Variants in GBP4 observed in about 807,000 individuals in gnomAD.
GBP4 encodes the protein guanylate binding protein 4.
GBP4 carries 69 observed loss-of-function variants against 62.2 expected under a neutral mutation model. The observed-to-expected ratio is 1.11, with a 90% CI of 0.91 to 1.36. The LOEUF (loss-of-function observed/expected upper bound fraction) is 1.36. GBP4 is among the 40% of genes most tolerant of loss of function. The probability of loss-of-function intolerance (pLI) is 0.00; values close to 1 mark genes in which losing one functional copy is unlikely to be tolerated. For synonymous variants in GBP4, 278 were observed against 274.6 expected, an observed-to-expected ratio of 1.01 and a Z score of -0.12; for missense variants, 697 against 759.3, an observed-to-expected ratio of 0.92 and a Z score of 0.96.
In GBP4 at chr1:89,197,103, C is replaced by T; in HGVS notation, c.235+7G>A. The T allele has an allele frequency of 6.2e-7, 1 of 1,607,286 alleles. No homozygotes were observed. The highest frequency in any genetic ancestry group is 8.5e-7 in the Non-Finnish European group (1 of 1,175,842). On this transcript the variant is annotated splice_region_variant and intron_variant, in intron 2 of 10. Transcript: ENST00000355754. ...GTAAATGGCTCCTGTCCTAGGACCA[C>T]ACTCACCATTGCGCTTTCCTGCAAG...
At chr1:89,194,713 G>A (rs976836979) in intron 3 of GBP4, among the ~76,000 whole-genome samples, 1 of 152,158 alleles carries the variant, frequency 6.6e-6, no homozygotes, top group Admixed American at 6.5e-5. Flanking sequence ...GAAGTCAGTG[G>A]AGAATTAATC....
chr1:89,191,967 C>T (rs1010543889), intron 5 of GBP4, among the ~76,000 whole-genome samples: 2 of 152,042 alleles, frequency 1.3e-5, no homozygotes, highest in Non-Finnish European at 2.9e-5. Context: ...ATACCCAAGT[C>T]AGTAATAAAA....
intron 6 of GBP4, 108 bp downstream of exon 6, chr1:89,191,153 G>T: frequency 7.9e-7 from 1 of 1,266,102 alleles, no homozygotes; most frequent in Non-Finnish European, 1.1e-6. Flanking sequence ...CTCCTTCTCT[G>T]CATTCCTATA....
chr1:89,190,562 C>A (rs1343273493), intron 6 of GBP4, among the ~76,000 whole-genome samples: 1 of 151,856 alleles, frequency 6.6e-6, no homozygotes, highest in African/African-American at 2.4e-5. Flanking sequence ...TTAAATTACC[C>A]ATTGCAACCA....
In GBP4 at chr1:89,182,696, G is replaced by C. The variant is rs985568271; in HGVS notation, c.*2558C>G. On this transcript the variant is annotated 3_prime_UTR_variant, in exon 11 of 11. Coordinates refer to ENST00000355754, the MANE Select transcript of GBP4 (RefSeq NM_052941.5). ...GGGGTTTCACCGTGTTAGCCAGGAT[G>C]GTCTCGATCTCCTGACCTCGTGATC... 2 of 152,106 alleles carry C rather than the reference G, an allele frequency of 1.3e-5. No homozygotes were observed. Among genetic ancestry groups the C allele is most frequent in the Admixed American group, 1.3e-4 (2 of 15,268 alleles). 9.4% of individuals were successfully genotyped at this position (152,106 alleles called of 1,614,324 possible).
In GBP4 at chr1:89,185,170, T is replaced by C. The variant is rs1276909643; in HGVS notation, c.*84A>G. The stretch of plus-strand genomic sequence containing the variant: ...TTGAATGAAACTGCTATAACACATA[T>C]ACTTACAAAATGAGCAACAGTGTTA... On this transcript the variant is annotated 3_prime_UTR_variant, in exon 11 of 11. Transcript: ENST00000355754. 1 of 843,080 alleles carries C rather than the reference T, an allele frequency of 1.2e-6. No individual in the cohort carries two copies. The highest frequency in any genetic ancestry group is 1.9e-6 in the Non-Finnish European group (1 of 521,096). The allele number at this position is 843,080 out of a possible 1,614,324, so 52.2% of individuals were successfully genotyped here. A position where few individuals can be genotyped will look rare whatever the true frequency, so the allele number is the denominator to read the frequency against.
intron 1 of GBP4, among the ~76,000 whole-genome samples, chr1:89,197,653 C>A (rs1021351657): frequency 6.6e-6 from 1 of 151,928 alleles, no homozygotes; most frequent in Non-Finnish European, 1.5e-5. Context: ...CAGAATAATT[C>A]CACTCCTGGA....
At position 89,190,015 on chromosome 1, in the gene GBP4, G is replaced by A. The variant is rs757173083; in HGVS notation, c.1197+23C>T. 6 of 1,587,032 alleles carry A rather than the reference G, an allele frequency of 3.8e-6. No individual in the cohort carries two copies. The East Asian group carries it at 1.3e-4, about 36-fold the overall frequency. On this transcript the variant is annotated intron_variant, in intron 7 of 10. Coordinates refer to ENST00000355754, the MANE Select transcript of GBP4 (RefSeq NM_052941.5). ...CATCATTTCGGAAGGGCAGAAATCA[G>A]GAAGGATAAATGCTAAAAGTACCAC...
At chr1:89,194,115 A>G (rs925056034) in intron 3 of GBP4, among the ~76,000 whole-genome samples, 6 of 152,220 alleles carry the variant, frequency 3.9e-5, no homozygotes, top group Non-Finnish European at 7.3e-5. Context: ...GGACGGATAA[A>G]GCAGGTGGAA....
At position 89,193,350 on chromosome 1, in the gene GBP4, G is replaced by T. The variant is rs757821497; in HGVS notation, c.426C>A (p.Val142=). 4 of 1,614,160 alleles carry T rather than the reference G, an allele frequency of 2.5e-6. No homozygotes were observed. The highest frequency in any genetic ancestry group is 3.4e-6 in the Non-Finnish European group (4 of 1,180,018). The change falls in exon 4 of 11, where the codon GTC becomes GTA. Residue 142 remains valine (V), a synonymous_variant. Transcript: ENST00000355754. ...ALAVLLSSSF[V]YNSVSTINHQ... ...GGTTGATGGTGCTCACGCTGTTATA[G>T]ACAAAGCTGCTGCTTAGAAGCACAG...
rs1405902331 is a variant in GBP4 at position 89,184,006 on chromosome 1, A to T, written c.*1248T>A. The T allele has an allele frequency of 6.6e-6, 1 of 152,264 alleles. No individual in the cohort carries two copies. The highest frequency in any genetic ancestry group is 1.5e-5 in the Non-Finnish European group (1 of 68,034). 9.4% of individuals were successfully genotyped at this position (152,264 alleles called of 1,614,324 possible). On this transcript the variant is annotated 3_prime_UTR_variant, in exon 11 of 11. Transcript: ENST00000355754. ...TATCCAGAATCTATAAGAAGCTTCA[A>T]AAAATTTACAAGCGAAAAACAAGCA...
chr1:89,192,921 G>A lies in GBP4; in HGVS notation c.653C>T (p.Ala218Val), dbSNP rs1285406861. The change falls in exon 5 of 11, where the codon GCC becomes GTC. Residue 218 changes from alanine to valine, a missense_variant. Transcript: ENST00000355754. Reference sequence around the variant, plus strand: ...TCTGATACCTGGAATCAGCTTCAAGGCATTCTCCAGGTACTCATCTTCTGT... The same window carrying A: ...TCTGATACCTGGAATCAGCTTCAAGACATTCTCCAGGTACTCATCTTCTGT... ...PITEDEYLEN[A>V]LKLIPGKNPK... 2 of 1,613,804 alleles carry A rather than the reference G, an allele frequency of 1.2e-6. No homozygotes were observed. The highest frequency in any genetic ancestry group is 2.7e-5 in the African/African-American group (2 of 74,888).
chr1:89,196,747 A>AT (rs1283416528), intron 2 of GBP4, among the ~76,000 whole-genome samples: 3 of 152,186 alleles, frequency 2.0e-5, no homozygotes, highest in Non-Finnish European at 4.4e-5. Flanking sequence ...CTTCATATTT[A>AT]TTTTTTAAAA....
At chr1:89,196,125 A>T (rs941062593) in intron 2 of GBP4, among the ~76,000 whole-genome samples, 2 of 152,198 alleles carry the variant, frequency 1.3e-5, no homozygotes, top group African/African-American at 4.8e-5. Context: ...GGATATAAAT[A>T]ATAAGAGTAT....
At chr1:89,195,816 G>A (rs1648322805) in intron 2 of GBP4, among the ~76,000 whole-genome samples, 2 of 151,942 alleles carry the variant, frequency 1.3e-5, no homozygotes, top group Admixed American at 1.3e-4. Context: ...TAAAAAAAAA[G>A]CTTTCACAAA....
chr1:89,185,332 G>T lies in GBP4; in HGVS notation c.1845C>A (p.Ser615Arg), dbSNP rs1017572723. The T allele has an allele frequency of 1.2e-6, 2 of 1,613,202 alleles. No homozygotes were observed. The highest frequency in any genetic ancestry group is 1.3e-5 in the African/African-American group (1 of 74,892). ...LRLLKILDMA[S>R]NIMIVTLPGA... ...CAGGTAGAGTGACAATCATTATGTT[G>T]CTAGCCATGTCAAGGATCTTTAAGA... The change falls in exon 11 of 11, where the codon AGC (serine) becomes AGA (arginine). Residue 615 changes from serine (S) to arginine (R), a missense_variant. Ser to Arg is a moderately radical substitution (Grantham distance 110). Transcript: ENST00000355754.
rs763370046 is a variant in GBP4, at chr1:89,197,242, G to A, written c.103C>T (p.Gln35Ter). ...PICLVENQEE[Q>*]LTVNSKALEI... ...AATGCCTTTGAATTCACTGTCAGCTGCTCTTCCTGGTTTTCCACTAGACAA... is the reference window on the plus strand; with the variant it reads ...AATGCCTTTGAATTCACTGTCAGCTACTCTTCCTGGTTTTCCACTAGACAA... Residue 35 changes from glutamine to a stop codon, truncating the protein, a stop_gained, in exon 2 of 11, where the codon CAG (glutamine) becomes TAG (stop). Coordinates refer to ENST00000355754, the MANE Select transcript of GBP4 (RefSeq NM_052941.5). LOFTEE classifies it high-confidence loss of function. 1.2e-6 allele frequency: 2 copies of A among 1,614,110 alleles called. No individual in the cohort carries two copies. Among genetic ancestry groups the A allele is most frequent in the East Asian group, 2.2e-5 (1 of 44,876 alleles).
chr1:89,195,240 C>A, intron 3 of GBP4, 57 bp downstream of exon 3: 2 of 1,582,806 alleles, frequency 1.3e-6, no homozygotes, highest in East Asian at 2.2e-5. Context: ...TTGAAGGGAG[C>A]TGAAAAAATT....
At chr1:89,193,230 C>G in intron 4 of GBP4, 73 bp downstream of exon 4, 2 of 1,537,994 alleles carry the variant, frequency 1.3e-6, no homozygotes, top group Non-Finnish European at 1.8e-6. Context: ...TGAGTCACAG[C>G]AAAGAAGACA....
Sources: gnomAD v4.1 joint callset for allele counts (sites outside exome capture counted in the v4.1 genomes callset) on GRCh38, gnomAD v4.1.1 for gene constraint, MANE v1.5 for transcripts, NCBI Gene and HGNC (gene_info 2026-07-23, HGNC 2026-07-21) for gene names.